SULT2B1: variants seen among roughly 807,000 people sequenced by gnomAD.
SULT2B1 encodes sulfotransferase family 2B member 1.
A neutral mutation model predicts 33.2 loss-of-function variants in SULT2B1; 16 were observed. That is an observed-to-expected ratio of 0.48 (90% confidence interval 0.33 to 0.73). SULT2B1 has a LOEUF of 0.73. Among genes scored for constraint, SULT2B1 ranks in the 30% least tolerant of loss-of-function variants. The pLI is 0.02. For synonymous variants in SULT2B1, 186 were observed against 200.5 expected (o/e 0.93, Z 0.61); for missense variants, 500 against 506.0 (o/e 0.99, Z 0.11).
rs752149713 is a variant in SULT2B1, at chr19:48,599,244, C to G, written c.936C>G (p.Asp312Glu). 8 of 1,610,232 alleles carry G rather than the reference C, an allele frequency of 5.0e-6. No individual in the cohort carries two copies. The South Asian group carries it at 5.5e-5, about 11-fold the overall frequency. The change falls in exon 7 of 7, where the codon GAC becomes GAG. Residue 312 changes from aspartate (D) to glutamate (E), a missense_variant. By Grantham distance (45) the Asp-to-Glu change is conservative (BLOSUM62 2). Coordinates refer to ENST00000201586, the MANE Select transcript of SULT2B1 (RefSeq NM_177973.2). This position sits in a 1 kb window ranked among gnomAD's most constrained non-coding sequence, Gnocchi z 4.1. ...TGCCGACCTTCCCCTGGGATGAAGA[C>G]CCGGAGGAGGACGGCAGCCCAGATC... The part of the protein sequence containing the change: ...RGMPTFPWDE[D>E]PEEDGSPDPE...
chr19:48,570,170 C>T (rs113589878), intron 1 of SULT2B1, among the ~76,000 whole-genome samples: 2,474 of 128,696 alleles, frequency 0.019, no homozygotes, highest in African/African-American at 0.072. Context: ...TGGGAACCGC[C>T]GGTTTGTTCT....
In SULT2B1 at chr19:48,596,540, C is replaced by T. The variant is rs528644757; in HGVS notation, c.646-199C>T. The T allele has an allele frequency of 1.6e-4, 94 of 573,324 alleles. 1 individual carries two copies. The South Asian group carries it at 1.8e-3, about 11-fold the overall frequency. 35.5% of individuals were successfully genotyped at this position (573,324 alleles called of 1,614,324 possible). A position where few individuals can be genotyped will look rare whatever the true frequency, so the allele number is the denominator to read the frequency against. On this transcript the variant is annotated intron_variant, in intron 5 of 6. Transcript: ENST00000201586. ...CACCTATTCCCTCCCACCTAGAGAA[C>T]CCTCCAAAGACAGAAACTGCAAAAA...
In SULT2B1 at chr19:48,586,505, GGA is replaced by G. The variant is rs1302745588; in HGVS notation, c.215-723_215-722del. On this transcript the variant is annotated intron_variant, in intron 2 of 6. Coordinates refer to ENST00000201586, the MANE Select transcript of SULT2B1 (RefSeq NM_177973.2). ...TGGCGTGCGTTTATGGGCCAGGCCT[GGA>G]AATAGCCGCACATCACATCGCCGCC... Among the ~76,000 whole-genome samples, 7 of 152,152 alleles carry G rather than the reference GGA, an allele frequency of 4.6e-5. No homozygotes were observed. The South Asian group carries it at 1.0e-3, about 22-fold the overall frequency.
At chr19:48,585,529 C>T (rs779513315) in intron 2 of SULT2B1, among the ~76,000 whole-genome samples, 47 of 151,930 alleles carry the variant, frequency 3.1e-4, no homozygotes, top group Admixed American at 3.9e-4. Flanking sequence ...ATTAGCCAGG[C>T]GTGGTGGTGC....
In SULT2B1 at chr19:48,591,741, G is replaced by C. The variant is rs774775758; in HGVS notation, c.550+6G>C. The C allele has an allele frequency of 1.3e-6, 2 of 1,581,106 alleles. No individual in the cohort carries two copies. Among genetic ancestry groups the C allele is most frequent in the Non-Finnish European group, 1.7e-6 (2 of 1,162,924 alleles). ...GGACTTCCTCAAAGGCGAAGGTGGG[G>C]ACAGGGTAAAGCGGGGCAGGAGGGG... On this transcript the variant is annotated splice_donor_region_variant and intron_variant, in intron 4 of 6. Transcript: ENST00000201586.
intron 3 of SULT2B1, among the ~76,000 whole-genome samples, chr19:48,588,613 AACATAATG>A (rs984509289): frequency 6.7e-6 from 1 of 150,032 alleles, no homozygotes; most frequent in Non-Finnish European, 1.5e-5. Context: ...AACATATAAT[AACATAATG>A]CAATATAATA....
chr19:48,587,543 C>A (rs1466729484), intron 3 of SULT2B1, 106 bp downstream of exon 3: 5 of 1,281,900 alleles, frequency 3.9e-6, no homozygotes, highest in Non-Finnish European at 5.6e-6. Context: ...ATTTGTTAAA[C>A]ACCTACTATG....
In SULT2B1 at chr19:48,562,115, G is replaced by A. The variant is rs369839959; in HGVS notation, c.71+9792G>A. On this transcript the variant is annotated intron_variant, in intron 1 of 6. Transcript: ENST00000201586. ...AAAATACAAAAATTAGGTCAGGTGT[G>A]GTGGCTTATGCCTGTAATCCCAACA... Among the ~76,000 whole-genome samples the A allele has an allele frequency of 1.3e-4, 20 of 151,268 alleles. 1 individual carries two copies. In the East Asian group the frequency reaches 3.5e-3, roughly 26 times the overall value.
At chr19:48,556,717 G>A (rs1248598423) in intron 1 of SULT2B1, among the ~76,000 whole-genome samples, 3 of 151,514 alleles carry the variant, frequency 2.0e-5, no homozygotes, top group Non-Finnish European at 2.9e-5. Flanking sequence ...TTGGGAGGCC[G>A]AGGCAGGTGG....
chr19:48,587,889 TCAAAAAA>T (rs1973588160), intron 3 of SULT2B1, among the ~76,000 whole-genome samples: 1 of 38,422 alleles, frequency 2.6e-5, no homozygotes, highest in African/African-American at 1.2e-4. Context: ...CAAGACTGTC[TCAAAAAA>T]AAAAAAAAAA....
intron 1 of SULT2B1, among the ~76,000 whole-genome samples, chr19:48,562,432 T>C (rs1314054852): frequency 6.6e-6 from 1 of 150,814 alleles, no homozygotes; most frequent in Non-Finnish European, 1.5e-5. Context: ...ACACCTGTAA[T>C]CCCAGCTACT....
At chr19:48,573,181 T>C (rs2665578) in intron 1 of SULT2B1, among the ~76,000 whole-genome samples, 1,643 of 149,958 alleles carry the variant, frequency 0.011, 31 homozygotes, top group African/African-American at 0.039. Flanking sequence ...AAAATTTACA[T>C]GTCCAGGGGG....
chr19:48,591,214 C>G (rs1973638657), intron 3 of SULT2B1: 1 of 156,004 alleles, frequency 6.4e-6, no homozygotes, highest in South Asian at 1.9e-4. Flanking sequence ...GTGTGGGGCT[C>G]TGGGCTAAGG....
At chr19:48,560,640 T>A (rs958892417) in intron 1 of SULT2B1, among the ~76,000 whole-genome samples, 7 of 152,122 alleles carry the variant, frequency 4.6e-5, no homozygotes, top group African/African-American at 1.7e-4. Context: ...ATCTGAAATA[T>A]CATTTCCACA....
chr19:48,593,745 C>T (rs1019821075), intron 5 of SULT2B1, among the ~76,000 whole-genome samples: 3 of 150,450 alleles, frequency 2.0e-5, no homozygotes, highest in Non-Finnish European at 3.0e-5. Context: ...AGCAATTCTC[C>T]TGCCTCAGCC....
At position 48,596,754 on chromosome 19, in the gene SULT2B1, G is replaced by A. The variant is rs771791526; in HGVS notation, c.661G>A (p.Val221Met). The A allele has an allele frequency of 1.6e-5, 26 of 1,605,478 alleles. No homozygotes were observed. The highest frequency in any genetic ancestry group is 8.9e-5 in the East Asian group (4 of 44,858). The change falls in exon 6 of 7, where the codon GTG (valine) becomes ATG (methionine). Residue 221 changes from valine to methionine, a missense_variant. Transcript: ENST00000201586. ...EELQQDLQGSVERICGFLGRP... is the reference protein window; with the variant it reads ...EELQQDLQGSMERICGFLGRP... Reference sequence around the variant, plus strand: ...CTGCCTGCAGGACTTACAGGGCTCCGTGGAGCGCATCTGTGGGTTCCTGGG... The same window carrying A: ...CTGCCTGCAGGACTTACAGGGCTCCATGGAGCGCATCTGTGGGTTCCTGGG...
intron 1 of SULT2B1, among the ~76,000 whole-genome samples, chr19:48,561,045 T>A (rs1171280460): frequency 6.6e-6 from 1 of 151,722 alleles, no homozygotes; most frequent in East Asian, 1.9e-4. Flanking sequence ...GGCAGGAGGA[T>A]TGTTTGAACC....
intron 1 of SULT2B1, among the ~76,000 whole-genome samples, chr19:48,567,652 C>T (rs1973263476): frequency 1.3e-5 from 2 of 152,056 alleles, no homozygotes; most frequent in African/African-American, 4.8e-5. Flanking sequence ...CCCAGCTCTC[C>T]TGCTAGTGAG....
At chr19:48,569,291 A>G (rs1973285029) in intron 1 of SULT2B1, among the ~76,000 whole-genome samples, 3 of 149,838 alleles carry the variant, frequency 2.0e-5, no homozygotes, top group Middle Eastern at 3.4e-3. Flanking sequence ...GCAGTGAGCC[A>G]AGATCGCGCC....
Sources: gnomAD v4.1 joint callset for allele counts (sites outside exome capture counted in the v4.1 genomes callset) on GRCh38, gnomAD v4.1.1 for gene constraint, Gnocchi (gnomAD v3.1) non-coding constraint, MANE v1.5 for transcripts, NCBI Gene and HGNC (gene_info 2026-07-23, HGNC 2026-07-21) for gene names.